SETD5: variants seen among roughly 807,000 people sequenced by gnomAD.
SETD5 encodes histone-lysine N-methyltransferase SETD5.
In SETD5, 44 loss-of-function variants were observed where a neutral mutation model predicts 153.3. That is an observed-to-expected ratio of 0.29 (90% confidence interval 0.23 to 0.37). The LOEUF is 0.37. SETD5 is among the 10% of genes least tolerant of loss of function. The pLI, the probability that SETD5 is intolerant of heterozygous loss-of-function variation, is 1.00. For missense variants in SETD5, 1,544 were observed against 1,768.0 expected (o/e 0.87, Z 2.27); for synonymous variants, 716 against 645.2 (o/e 1.11, Z -1.66).
chr3:9,444,118 C>A (rs528902379), intron 11 of SETD5, among the ~76,000 whole-genome samples: 1 of 152,056 alleles, frequency 6.6e-6, no homozygotes, highest in Admixed American at 6.5e-5. Flanking sequence ...TCAATTATAC[C>A]CTTATAAAGC....
chr3:9,416,474 AT>A (rs1422798914), intron 1 of SETD5, among the ~76,000 whole-genome samples: 1 of 152,190 alleles, frequency 6.6e-6, no homozygotes, highest in Admixed American at 6.5e-5. Flanking sequence ...AATGCAAGAA[AT>A]TTATCAACAA....
chr3:9,397,985 TC>T lies in SETD5; in HGVS notation c.-177+10del, dbSNP rs1283628270. On this transcript the variant is annotated intron_variant, in intron 1 of 22. Transcript: ENST00000402198. ...GGCAGCGCCTGGGACAAGGTAAGGG[TC>T]CGACAGAAAAGAGACCGAACCTCAC... 6.6e-6 allele frequency: 1 copy of T among 151,514 alleles called. No homozygotes were observed. The highest frequency in any genetic ancestry group is 1.5e-5 in the Non-Finnish European group (1 of 68,000). The allele number at this position is 151,514 out of a possible 1,614,324, so 9.4% of individuals were successfully genotyped here.
chr3:9,398,776 G>C (rs779179814), intron 1 of SETD5, among the ~76,000 whole-genome samples: 2 of 152,216 alleles, frequency 1.3e-5, no homozygotes, highest in Non-Finnish European at 2.9e-5. Context: ...CCTGGTTCAA[G>C]TAGGTAAATC....
At chr3:9,465,072 G>C (rs1470195867) in intron 18 of SETD5, 1 of 203,768 alleles carries the variant, frequency 4.9e-6, no homozygotes, top group Non-Finnish European at 1.0e-5. Flanking sequence ...TTGTGTCTTC[G>C]TTTCTAGGCC....
intron 1 of SETD5, among the ~76,000 whole-genome samples, chr3:9,408,153 C>G (rs760522307): frequency 4.7e-4 from 72 of 152,108 alleles, no homozygotes; most frequent in Non-Finnish European, 9.7e-4. Context: ...ATACGCTTAC[C>G]ATAATTGTAG....
chr3:9,429,892 C>A (rs545736067), intron 3 of SETD5: 1 of 1,303,822 alleles, frequency 7.7e-7, no homozygotes, highest in East Asian at 5.6e-5. Flanking sequence ...GAAAGTCCAG[C>A]GAAAGAGACC....
At chr3:9,401,400 T>C (rs1235207240) in intron 1 of SETD5, among the ~76,000 whole-genome samples, 2 of 152,232 alleles carry the variant, frequency 1.3e-5, no homozygotes, top group African/African-American at 4.8e-5. Flanking sequence ...CTCTTGATAT[T>C]ATCATTTTTT....
Position 9,435,852 on chromosome 3 carries a change from G to C in SETD5, c.513G>C (p.Lys171Asn). ...CTGTTAGAAGAACCAAACCCAAGAA[G>C]CGGAAAAAGAGTCCAGAAAAGGGTC... ...TLTVRRTKPKKRKKSPEKGRA... is the reference protein window; with the variant it reads ...TLTVRRTKPKNRKKSPEKGRA... The change falls in exon 7 of 23, where the codon AAG becomes AAC. Residue 171 changes from lysine to asparagine, a missense_variant. Physicochemically the swap from Lys to Asn is moderately conservative, Grantham distance 94. Coordinates refer to ENST00000402198, the MANE Select transcript of SETD5 (RefSeq NM_001080517.3). 6.3e-7 allele frequency: 1 copy of C among 1,599,576 alleles called. No homozygotes were observed. Among genetic ancestry groups the C allele is most frequent in the Non-Finnish European group, 8.5e-7 (1 of 1,172,744 alleles).
In SETD5 at chr3:9,434,605, T is replaced by A. The variant is rs564376138; in HGVS notation, c.329+120T>A. The stretch of plus-strand genomic sequence containing the variant: ...GTTAATGTAGATGATTCCTTAGTGC[T>A]CCTTGGCTCGAATTCTCTGCACTAG... On this transcript the variant is annotated intron_variant, in intron 5 of 22. Coordinates refer to ENST00000402198, the MANE Select transcript of SETD5 (RefSeq NM_001080517.3). This position sits in a 1 kb window ranked among gnomAD's most constrained non-coding sequence, Gnocchi z 5.6. 1 of 1,504,126 alleles carries A rather than the reference T, an allele frequency of 6.6e-7. No individual in the cohort carries two copies. Among genetic ancestry groups the A allele is most frequent in the East Asian group, 2.4e-5 (1 of 41,400 alleles). The allele number at this position is 1,504,126 out of a possible 1,614,324, so 93.2% of individuals were successfully genotyped here.
chr3:9,443,357 T>C lies in SETD5; in HGVS notation c.1127T>C (p.Val376Ala), dbSNP rs1444679570. Residue 376 changes from valine (V) to alanine (A), a missense_variant, in exon 11 of 23, where the codon GTG becomes GCG. Transcript: ENST00000402198. Reference sequence around the variant, plus strand: ...ATGATTCACCTGTGCATCTATGCTGTGTCTGCCATCACCAAGGATGCTGAG... The same window carrying C: ...ATGATTCACCTGTGCATCTATGCTGCGTCTGCCATCACCAAGGATGCTGAG... The part of the protein sequence containing the change: ...DGMIHLCIYA[V>A]SAITKDAEVT... The C allele has an allele frequency of 6.6e-7, 1 of 1,520,732 alleles. No homozygotes were observed. The highest frequency in any genetic ancestry group is 8.8e-7 in the Non-Finnish European group (1 of 1,133,962). 94.2% of individuals were successfully genotyped at this position (1,520,732 alleles called of 1,614,324 possible). A position where few individuals can be genotyped will look rare whatever the true frequency, so the allele number is the denominator to read the frequency against.
intron 20 of SETD5, 56 bp downstream of exon 20, chr3:9,473,593 C>CT: frequency 6.7e-7 from 1 of 1,502,556 alleles, no homozygotes; most frequent in East Asian, 2.4e-5. Flanking sequence ...GAGTATATAT[C>CT]TAAGATCATT....
At chr3:9,406,919 A>G (rs969880879) in intron 1 of SETD5, among the ~76,000 whole-genome samples, 6 of 152,258 alleles carry the variant, frequency 3.9e-5, no homozygotes, top group Non-Finnish European at 8.8e-5. Context: ...ATATTCACAG[A>G]TAAATCAGGT....
At chr3:9,425,062 T>TTTTTTTTTTTTTTTG (rs2038967316) in intron 2 of SETD5, among the ~76,000 whole-genome samples, 1 of 144,398 alleles carries the variant, frequency 6.9e-6, no homozygotes, top group African/African-American at 2.6e-5. Flanking sequence ...TTTCTTTTTT[T>TTTTTTTTTTTTTTTG]TTTTTTTTTT....
At chr3:9,452,927 A>G (rs1559448871) in intron 16 of SETD5, among the ~76,000 whole-genome samples, 2 of 152,142 alleles carry the variant, frequency 1.3e-5, no homozygotes, top group Non-Finnish European at 1.5e-5. Flanking sequence ...CTACAACTGT[A>G]TATCTTAAGA....
chr3:9,465,406 A>T (rs149806563), intron 18 of SETD5, among the ~76,000 whole-genome samples: 3 of 152,348 alleles, frequency 2.0e-5, no homozygotes, highest in African/African-American at 7.2e-5. Context: ...ATACTTTTTT[A>T]AAACACTTCA....
intron 3 of SETD5, among the ~76,000 whole-genome samples, chr3:9,432,960 T>G (rs1406193417): frequency 6.6e-6 from 1 of 152,222 alleles, no homozygotes; most frequent in Non-Finnish European, 1.5e-5. Context: ...AGACAGACTT[T>G]GTTTCAAATC....
intron 1 of SETD5, among the ~76,000 whole-genome samples, chr3:9,421,387 C>G (rs11928271): frequency 0.052 from 7,863 of 152,092 alleles, 304 homozygotes; most frequent in Admixed American, 0.11. Flanking sequence ...ATCCTCCTGC[C>G]TCAGCCTCCC....
chr3:9,476,431 T>G lies in SETD5; in HGVS notation c.*340T>G. 1 of 206,034 alleles carries G rather than the reference T, an allele frequency of 4.9e-6. No homozygotes were observed. The highest frequency in any genetic ancestry group is 9.7e-6 in the Non-Finnish European group (1 of 102,622). The allele number at this position is 206,034 out of a possible 1,614,324, so 12.8% of individuals were successfully genotyped here. A position where few individuals can be genotyped will look rare whatever the true frequency, so the allele number is the denominator to read the frequency against. ...ATCCTTGCCTGTAGCCCGTAGTCAC[T>G]TGTGCAGTGAGGACATCTTTTTAAA... On this transcript the variant is annotated 3_prime_UTR_variant, in exon 23 of 23. Coordinates refer to ENST00000402198, the MANE Select transcript of SETD5 (RefSeq NM_001080517.3).
At chr3:9,422,938 C>G (rs1420315646) in intron 1 of SETD5, among the ~76,000 whole-genome samples, 1 of 152,212 alleles carries the variant, frequency 6.6e-6, no homozygotes, top group Non-Finnish European at 1.5e-5. Flanking sequence ...GAGGCCTGTT[C>G]TCTTTCTGAA....
Sources: gnomAD v4.1 joint callset for allele counts (sites outside exome capture counted in the v4.1 genomes callset) on GRCh38, gnomAD v4.1.1 for gene constraint, Gnocchi (gnomAD v3.1) non-coding constraint, MANE v1.5 for transcripts, NCBI Gene and HGNC (gene_info 2026-07-23, HGNC 2026-07-21) for gene names.